NTN4: variants seen among roughly 807,000 people sequenced by gnomAD.
The protein encoded by NTN4 is netrin 4.
In NTN4, 32 loss-of-function variants were observed where a neutral mutation model predicts 73.6. The ratio of observed to expected loss-of-function variants is 0.44; its 90% CI spans 0.33 to 0.58. NTN4 has a LOEUF of 0.58. Ranked by LOEUF, NTN4 falls within the 20% of genes least tolerant of loss-of-function variation. NTN4 has a pLI of 0.04. For missense variants in NTN4, 654 were observed against 798.3 expected, an observed-to-expected ratio of 0.82 and a Z score of 2.18; for synonymous variants, 258 against 287.5, an observed-to-expected ratio of 0.90 and a Z score of 1.04.
chr12:95,756,323 G>A (rs534051993), intron 2 of NTN4, among the ~76,000 whole-genome samples: 1 of 152,310 alleles, frequency 6.6e-6, no homozygotes, highest in Non-Finnish European at 1.5e-5. Context: ...GTTAAAAGTA[G>A]TAATACCTGC....
At chr12:95,671,451 T>C (rs1476367845) in intron 7 of NTN4, among the ~76,000 whole-genome samples, 2 of 152,164 alleles carry the variant, frequency 1.3e-5, no homozygotes, top group East Asian at 3.9e-4. Flanking sequence ...TTCCCATCAC[T>C]CAAATTACCG....
At chr12:95,672,055 T>A (rs982975415) in intron 7 of NTN4, among the ~76,000 whole-genome samples, 2 of 141,220 alleles carry the variant, frequency 1.4e-5, no homozygotes, top group African/African-American at 5.3e-5. Flanking sequence ...GTGTGGTGAC[T>A]CATGCTTGTA....
chr12:95,746,603 G>A (rs1300134438), intron 2 of NTN4, among the ~76,000 whole-genome samples: 1 of 152,190 alleles, frequency 6.6e-6, no homozygotes, highest in Non-Finnish European at 1.5e-5. Flanking sequence ...GTGTTGAACA[G>A]TTCTCAGCTG....
chr12:95,701,020 G>A (rs189522453), intron 5 of NTN4, among the ~76,000 whole-genome samples: 54 of 152,050 alleles, frequency 3.6e-4, no homozygotes, highest in African/African-American at 1.2e-3. Flanking sequence ...CACCATGTTG[G>A]CTAGGCTGGT....
intron 2 of NTN4, among the ~76,000 whole-genome samples, chr12:95,785,566 C>T (rs1443251201): frequency 6.6e-6 from 1 of 152,182 alleles, no homozygotes; most frequent in Admixed American, 6.5e-5. Context: ...AAGGTGCACA[C>T]AGAAGAAGCG....
chr12:95,685,796 G>A (rs2078356362), intron 5 of NTN4, among the ~76,000 whole-genome samples: 1 of 152,114 alleles, frequency 6.6e-6, no homozygotes, highest in Non-Finnish European at 1.5e-5. Flanking sequence ...CAGTGGTAAG[G>A]ATAAAAAGAG....
At chr12:95,680,079 T>A (rs11108192) in intron 7 of NTN4, among the ~76,000 whole-genome samples, 1 of 152,166 alleles carries the variant, frequency 6.6e-6, no homozygotes, top group African/African-American at 2.4e-5. Context: ...CTAAAACATA[T>A]CTTATTCCCT....
At position 95,665,796 on chromosome 12, in the gene NTN4, A is replaced by T; in HGVS notation, c.1750+14T>A. 6.3e-7 allele frequency: 1 copy of T among 1,593,020 alleles called. No individual in the cohort carries two copies. Among genetic ancestry groups the T allele is most frequent in the Non-Finnish European group, 8.6e-7 (1 of 1,168,752 alleles). ...GACAAGGTAGGTACTAAGATAGGAA[A>T]GTCTAATACTCACCAGGATTGAGGA... On this transcript the variant is annotated intron_variant, in intron 9 of 9. Transcript: ENST00000343702.
intron 5 of NTN4, among the ~76,000 whole-genome samples, chr12:95,709,417 A>G (rs2078545504): frequency 6.6e-6 from 1 of 152,226 alleles, no homozygotes; most frequent in African/African-American, 2.4e-5. Flanking sequence ...TGCACCCTTT[A>G]CATTCACATA....
chr12:95,670,236 T>A, intron 7 of NTN4, 90 bp from the exon 8 acceptor site: 1 of 700,208 alleles, frequency 1.4e-6, no homozygotes. Flanking sequence ...AGATAACACA[T>A]CCCTTAAGCC....
intron 1 of NTN4, among the ~76,000 whole-genome samples, chr12:95,788,194 A>G (rs2079183493): frequency 6.6e-6 from 1 of 152,192 alleles, no homozygotes; most frequent in South Asian, 2.1e-4. Context: ...ATGGCAGAAA[A>G]GCTTATTTTA....
chr12:95,715,164 G>C (rs2078596449), intron 3 of NTN4, among the ~76,000 whole-genome samples: 1 of 152,142 alleles, frequency 6.6e-6, no homozygotes. Flanking sequence ...AGGGCTTAGA[G>C]GACTTCGGGC....
chr12:95,790,233 GC>G lies in NTN4; in HGVS notation c.55+21del. ...AGAAGCAGCGAGGGAAGGGGTGGGG[GC>G]CCCGCCGCGTCACCACCCACCTGCG... On this transcript the variant is annotated intron_variant, in intron 1 of 9. Coordinates refer to ENST00000343702, the MANE Select transcript of NTN4 (RefSeq NM_021229.4). The surrounding 1 kb of genome is among the most constrained non-coding windows in gnomAD (Gnocchi z 6.5). 2 of 1,528,884 alleles carry G rather than the reference GC, an allele frequency of 1.3e-6. No homozygotes were observed. The highest frequency in any genetic ancestry group is 2.6e-5 in the East Asian group (1 of 38,050). 94.7% of individuals were successfully genotyped at this position (1,528,884 alleles called of 1,614,324 possible).
intron 9 of NTN4, among the ~76,000 whole-genome samples, chr12:95,660,045 G>A (rs1008378987): frequency 3.3e-5 from 5 of 151,848 alleles, no homozygotes; most frequent in East Asian, 3.9e-4. Flanking sequence ...ATGGAATCTC[G>A]CTCTGTTGTC....
At chr12:95,661,856 T>C (rs2078140102) in intron 9 of NTN4, among the ~76,000 whole-genome samples, 1 of 151,882 alleles carries the variant, frequency 6.6e-6, no homozygotes, top group African/African-American at 2.4e-5. Context: ...AAAAAAAGAG[T>C]TGAAGGACTG....
At chr12:95,790,920 CTG>C (rs1470167189), upstream of NTN4, among the ~76,000 whole-genome samples, 5 of 109,740 alleles carry the variant, frequency 4.6e-5, no homozygotes, top group African/African-American at 1.7e-4. The surrounding 1 kb of genome is among the most constrained non-coding windows in gnomAD (Gnocchi z 6.5). Flanking sequence ...GCCGCTGCCG[CTG>C]CCGCCCGGGG....
chr12:95,700,650 G>A (rs891846291), intron 5 of NTN4, among the ~76,000 whole-genome samples: 1 of 152,088 alleles, frequency 6.6e-6, no homozygotes, highest in Non-Finnish European at 1.5e-5. Context: ...GCCGTGGTGA[G>A]AATGTTTCAA....
intron 9 of NTN4, among the ~76,000 whole-genome samples, chr12:95,664,755 G>C (rs967805371): frequency 3.3e-5 from 5 of 152,082 alleles, no homozygotes; most frequent in Non-Finnish European, 7.3e-5. Context: ...TGGGACTACA[G>C]GCACATACCA....
chr12:95,727,412 G>A (rs1016796797), intron 3 of NTN4, among the ~76,000 whole-genome samples: 11 of 152,048 alleles, frequency 7.2e-5, no homozygotes, highest in African/African-American at 2.7e-4. Context: ...ATCCTTTGAT[G>A]CACAAAAGTT....
Sources: allele counts gnomAD v4.1 joint callset (sites outside exome capture counted in the v4.1 genomes callset), GRCh38; gene constraint gnomAD v4.1.1; non-coding constraint Gnocchi (gnomAD v3.1); transcripts MANE v1.5; gene names NCBI Gene and HGNC (gene_info 2026-07-23, HGNC 2026-07-21).